FAM47E: variants seen among roughly 807,000 people sequenced by gnomAD.
FAM47E encodes family with sequence similarity 47 member E, also known as protein FAM47E.
FAM47E carries 32 observed loss-of-function variants against 41.6 expected under a neutral mutation model. That is an observed-to-expected ratio of 0.77 (90% CI 0.58 to 1.03). FAM47E has a LOEUF of 1.03. FAM47E is among the 50% of genes least tolerant of loss of function. The pLI is 0.00. For missense variants in FAM47E, 424 were observed against 485.4 expected, an observed-to-expected ratio of 0.87 and a Z score of 1.19; for synonymous variants, 184 against 188.7, an observed-to-expected ratio of 0.98 and a Z score of 0.20.
intron 2 of FAM47E, among the ~76,000 whole-genome samples, chr4:76,223,362 T>C (rs1370174014): frequency 2.0e-5 from 3 of 152,172 alleles, no homozygotes; most frequent in Non-Finnish European, 4.4e-5. Context: ...AGTGGTACAG[T>C]AGCCCACCCC....
At chr4:76,238,325 T>C (rs952286066) in intron 2 of FAM47E, among the ~76,000 whole-genome samples, 1 of 152,236 alleles carries the variant, frequency 6.6e-6, no homozygotes, top group East Asian at 1.9e-4. Flanking sequence ...CTACCTCCGC[T>C]TCCCTGTTGA....
At chr4:76,268,622 T>C (rs1334557650) in intron 3 of FAM47E, 38 bp from the exon 4 acceptor site, 2 of 1,535,868 alleles carry the variant, frequency 1.3e-6, no homozygotes, top group Non-Finnish European at 1.8e-6. Context: ...GGATTCATTG[T>C]GTCTCATATT....
chr4:76,247,205 A>G (rs1295410469), upstream of FAM47E, among the ~76,000 whole-genome samples: 1 of 152,130 alleles, frequency 6.6e-6, no homozygotes, highest in Non-Finnish European at 1.5e-5. Flanking sequence ...TATACACTAT[A>G]TGTCCTTTTG....
At chr4:76,246,433 C>A (rs1157831418) in intron 2 of FAM47E, among the ~76,000 whole-genome samples, 1 of 152,056 alleles carries the variant, frequency 6.6e-6, no homozygotes, top group Non-Finnish European at 1.5e-5. Context: ...AGTCTGCAGA[C>A]TTTAGGGTGC....
intron 2 of FAM47E, among the ~76,000 whole-genome samples, chr4:76,222,335 TC>T (rs1733323767): frequency 6.6e-6 from 1 of 152,046 alleles, no homozygotes; most frequent in Admixed American, 6.6e-5. Flanking sequence ...CAAGCAATCC[TC>T]GTGCCTTGGC....
intron 1 of FAM47E, among the ~76,000 whole-genome samples, chr4:76,255,293 A>T (rs1734140284): frequency 6.6e-6 from 1 of 152,078 alleles, no homozygotes; most frequent in Non-Finnish European, 1.5e-5. Flanking sequence ...CAATTTTCTT[A>T]TCTGTAAATG....
In FAM47E at chr4:76,259,781, A is replaced by G. The variant is rs114184822; in HGVS notation, c.420+3258A>G. On this transcript the variant is annotated intron_variant, in intron 2 of 7. Coordinates refer to ENST00000424749, the MANE Select transcript of FAM47E (RefSeq NM_001136570.3). ...CAATGACAGAAACTTGAGTTTAAAA[A>G]TGAATAATTTCATGATCCTACACCC... Among the ~76,000 whole-genome samples, 1,325 of 152,342 alleles carry G rather than the reference A, an allele frequency of 8.7e-3. 6 individuals are homozygous for G. The highest frequency in any genetic ancestry group is 0.013 in the Non-Finnish European group (904 of 68,034).
chr4:76,220,487 C>A (rs769222982), intron 2 of FAM47E, among the ~76,000 whole-genome samples: 1 of 152,066 alleles, frequency 6.6e-6, no homozygotes, highest in Non-Finnish European at 1.5e-5. Flanking sequence ...ATTAGATGGG[C>A]ACGGTGGCAT....
upstream of FAM47E, chr4:76,251,669 C>T (rs1315389614): frequency 4.4e-6 from 6 of 1,372,470 alleles, no homozygotes; most frequent in South Asian, 5.0e-5. Flanking sequence ...GGTGGTTGTG[C>T]GGTGTCCTAG....
chr4:76,228,593 CTT>C (rs1239508930), intron 2 of FAM47E, among the ~76,000 whole-genome samples: 1 of 152,004 alleles, frequency 6.6e-6, no homozygotes, highest in Non-Finnish European at 1.5e-5. Flanking sequence ...TACTTTATCT[CTT>C]ATTTATTTAT....
chr4:76,237,375 TTG>T (rs762642741), intron 2 of FAM47E, among the ~76,000 whole-genome samples: 6 of 150,126 alleles, frequency 4.0e-5, no homozygotes, highest in African/African-American at 7.3e-5. Flanking sequence ...GTTTGTTTGT[TTG>T]TTTTTTTTTT....
chr4:76,216,026 G>A (rs530102957), intron 1 of FAM47E, among the ~76,000 whole-genome samples: 1 of 152,316 alleles, frequency 6.6e-6, no homozygotes, highest in East Asian at 1.9e-4. Context: ...AGCAGCCCCA[G>A]AGGACCAGTC....
At chr4:76,259,118 A>G (rs1734301364) in intron 2 of FAM47E, among the ~76,000 whole-genome samples, 1 of 152,210 alleles carries the variant, frequency 6.6e-6, no homozygotes, top group Admixed American at 6.5e-5. Flanking sequence ...ATGCAGGTGA[A>G]AAATACAAGA....
At chr4:76,264,141 C>T (rs1225886803) in intron 3 of FAM47E, among the ~76,000 whole-genome samples, 2 of 152,154 alleles carry the variant, frequency 1.3e-5, no homozygotes, top group Non-Finnish European at 2.9e-5. Flanking sequence ...GATTTTGAGG[C>T]AGCTTCTAAG....
intron 5 of FAM47E, among the ~76,000 whole-genome samples, chr4:76,275,624 T>A (rs968350407): frequency 1.3e-5 from 2 of 152,170 alleles, no homozygotes; most frequent in Admixed American, 1.3e-4. Context: ...TGTCATGGTT[T>A]GTGCAGGACA....
chr4:76,276,532 C>A (rs376461711), intron 5 of FAM47E, among the ~76,000 whole-genome samples: 14 of 152,030 alleles, frequency 9.2e-5, no homozygotes, highest in Non-Finnish European at 1.6e-4. Context: ...GCCACCATGC[C>A]CAGCTAATTT....
upstream of FAM47E, among the ~76,000 whole-genome samples, chr4:76,250,915 T>C (rs978881779): frequency 2.6e-5 from 4 of 152,138 alleles, no homozygotes; most frequent in African/African-American, 7.2e-5. Context: ...TTTATATTCA[T>C]CGAATATCCC....
chr4:76,275,187 C>A (rs926751390), intron 5 of FAM47E, among the ~76,000 whole-genome samples: 1 of 152,142 alleles, frequency 6.6e-6, no homozygotes, highest in Admixed American at 6.5e-5. Flanking sequence ...TACCCTCAGG[C>A]CTGCTAAACT....
chr4:76,223,808 C>T (rs1475098491), intron 2 of FAM47E, among the ~76,000 whole-genome samples: 2 of 152,126 alleles, frequency 1.3e-5, no homozygotes, highest in East Asian at 1.9e-4. Context: ...CCACTCTCCA[C>T]CTCACTAAAA....
Sources: allele counts gnomAD v4.1 joint callset (sites outside exome capture counted in the v4.1 genomes callset), GRCh38; gene constraint gnomAD v4.1.1; transcripts MANE v1.5; gene names NCBI Gene and HGNC (gene_info 2026-07-23, HGNC 2026-07-21).